Variants in TCF20 observed in about 807,000 individuals in gnomAD.
The protein encoded by TCF20 is transcription factor 20.
TCF20 carries 3 observed loss-of-function variants against 148.6 expected under a neutral mutation model. The ratio of observed to expected loss-of-function variants is 0.02; its 90% CI spans 0.01 to 0.05. The LOEUF (loss-of-function observed/expected upper bound fraction) is 0.05. Ranked by LOEUF, TCF20 falls within the 10% of genes least tolerant of loss-of-function variation. TCF20 has a pLI of 1.00. For synonymous variants in TCF20, 1,049 were observed against 909.5 expected, an observed-to-expected ratio of 1.15 and a Z score of -2.76; for missense variants, 2,350 against 2,429.3, an observed-to-expected ratio of 0.97 and a Z score of 0.69.
At chr22:42,276,104 C>T (rs1427612830) in intron 1 of TCF20, among the ~76,000 whole-genome samples, 1 of 152,168 alleles carries the variant, frequency 6.6e-6, no homozygotes, top group African/African-American at 2.4e-5. Flanking sequence ...ATTGTCTGGG[C>T]TCCACGGGAA....
At chr22:42,238,321 T>C (rs958538911) in intron 1 of TCF20, among the ~76,000 whole-genome samples, 1 of 152,234 alleles carries the variant, frequency 6.6e-6, no homozygotes, top group Non-Finnish European at 1.5e-5. Flanking sequence ...AGAGAAAGTC[T>C]TGCTCTGGGA....
At chr22:42,165,389 G>A (rs1601504867) in intron 5 of TCF20, among the ~76,000 whole-genome samples, 2 of 152,208 alleles carry the variant, frequency 1.3e-5, no homozygotes, top group South Asian at 4.1e-4. Flanking sequence ...TGGACCACAG[G>A]GCCTGTTAGG....
intron 1 of TCF20, among the ~76,000 whole-genome samples, chr22:42,343,239 C>T (rs1422794864): frequency 6.6e-6 from 1 of 152,156 alleles, no homozygotes; most frequent in East Asian, 1.9e-4. Context: ...TCCGTTTTCT[C>T]ATCTGTACAA....
chr22:42,231,306 G>A lies in TCF20; in HGVS notation c.-36-15965C>T, dbSNP rs551004320. 4.6e-5 allele frequency among the ~76,000 whole-genome samples: 7 copies of A among 152,200 alleles called. No homozygotes were observed. The South Asian group carries it at 1.2e-3, about 27-fold the overall frequency. On this transcript the variant is annotated intron_variant, in intron 1 of 5. Coordinates refer to ENST00000677622, the MANE Select transcript of TCF20 (RefSeq NM_001378418.1). ...GAGACCAGCCTGGGCAACATAGCAT[G>A]ACTCCAGCTCTATAAAAACTAAAAA...
chr22:42,171,635 T>A (rs1936137724), intron 3 of TCF20, among the ~76,000 whole-genome samples: 1 of 152,164 alleles, frequency 6.6e-6, no homozygotes, highest in Non-Finnish European at 1.5e-5. Context: ...TGTGTTAATT[T>A]AAAACCCACA....
intron 1 of TCF20, among the ~76,000 whole-genome samples, chr22:42,266,407 G>A (rs1309226829): frequency 1.3e-5 from 2 of 152,198 alleles, no homozygotes; most frequent in Non-Finnish European, 2.9e-5. Context: ...TTGGACTCAT[G>A]AGAAAAAGTC....
chr22:42,246,871 CAGG>C (rs1242185333), intron 1 of TCF20, among the ~76,000 whole-genome samples: 1 of 150,674 alleles, frequency 6.6e-6, no homozygotes, highest in Non-Finnish European at 1.5e-5. Context: ...GAGGCTGATG[CAGG>C]AGAACTGCTT....
chr22:42,232,972 G>A (rs926892179), intron 1 of TCF20, among the ~76,000 whole-genome samples: 2 of 152,186 alleles, frequency 1.3e-5, no homozygotes, highest in African/African-American at 4.8e-5. Flanking sequence ...CCAGGCTGGA[G>A]TGCACTGGTG....
chr22:42,187,004 A>G (rs946878296), intron 2 of TCF20, among the ~76,000 whole-genome samples: 1 of 152,204 alleles, frequency 6.6e-6, no homozygotes, highest in African/African-American at 2.4e-5. Context: ...GCCCTCTGTT[A>G]TGTGGAGAGC....
intron 1 of TCF20, among the ~76,000 whole-genome samples, chr22:42,219,162 T>A (rs545598974): frequency 2.4e-4 from 36 of 151,432 alleles, no homozygotes; most frequent in South Asian, 8.4e-4. Flanking sequence ...GGTGTGAGGA[T>A]CGCTTGAGGT....
intron 2 of TCF20, among the ~76,000 whole-genome samples, chr22:42,200,152 C>CCTTCATAT (rs1937902508): frequency 6.6e-6 from 1 of 152,010 alleles, no homozygotes; most frequent in South Asian, 2.1e-4. Context: ...GGCTGAACTG[C>CCTTCATAT]CTTCATATCT....
chr22:42,232,057 C>T (rs115603898), intron 1 of TCF20, among the ~76,000 whole-genome samples: 1,993 of 152,210 alleles, frequency 0.013, 39 homozygotes, highest in African/African-American at 0.045. Flanking sequence ...GCAGTAACGT[C>T]CTGGGCCTTT....
At chr22:42,171,549 G>A (rs1241203926) in intron 3 of TCF20, among the ~76,000 whole-genome samples, 1 of 152,130 alleles carries the variant, frequency 6.6e-6, no homozygotes, top group Non-Finnish European at 1.5e-5. Context: ...GGCTCCGTGG[G>A]CCCAAGAGCT....
intron 4 of TCF20, 140 bp downstream of exon 4, chr22:42,169,707 G>A: frequency 1.3e-6 from 1 of 780,690 alleles, no homozygotes; most frequent in East Asian, 2.6e-5. Context: ...ACCCTCCCAG[G>A]GCCAGGAGGG....
At chr22:42,288,715 CAAAAAAAAAAAAAAA>C (rs60058670), upstream of TCF20, among the ~76,000 whole-genome samples, 153 of 85,272 alleles carry the variant, frequency 1.8e-3, 1 homozygote, top group African/African-American at 8.0e-3. Flanking sequence ...GACCCTGTAT[CAAAAAAAAAAAAAAA>C]AAAAAAAAAA....
intron 3 of TCF20, among the ~76,000 whole-genome samples, chr22:42,171,256 A>G (rs1936117929): frequency 6.6e-6 from 1 of 152,198 alleles, no homozygotes; most frequent in Non-Finnish European, 1.5e-5. Flanking sequence ...GTTAATAAAT[A>G]TTGATAACAC....
intron 1 of TCF20, among the ~76,000 whole-genome samples, chr22:42,309,199 T>C (rs1394189624): frequency 2.6e-5 from 4 of 152,090 alleles, no homozygotes; most frequent in Non-Finnish European, 5.9e-5. Flanking sequence ...GTCACTGGGC[T>C]TGTTTTCATG....
chr22:42,242,003 C>G (rs1281799031), intron 1 of TCF20, among the ~76,000 whole-genome samples: 2 of 151,784 alleles, frequency 1.3e-5, no homozygotes, highest in Non-Finnish European at 2.9e-5. Context: ...GAGATCGAGA[C>G]CATCCTGGCT....
chr22:42,210,962 C>G lies in TCF20; in HGVS notation c.4344G>C (p.Glu1448Asp), dbSNP rs1920944898. 6.2e-7 allele frequency: 1 copy of G among 1,614,124 alleles called. No homozygotes were observed. Among genetic ancestry groups the G allele is most frequent in the Non-Finnish European group, 8.5e-7 (1 of 1,180,030 alleles). Residue 1448 changes from glutamate to aspartate, a missense_variant, in exon 2 of 6, where the codon GAG becomes GAC. Physicochemically the swap from Glu to Asp is conservative, Grantham distance 45. Transcript: ENST00000677622. The surrounding 1 kb of genome is among the most constrained non-coding windows in gnomAD (Gnocchi z 4.7). ...CGGCAGTAACTGTTTCTGCATGTGTCTCTGTCTTCACTTTGTCATCCACGC... is the reference window on the plus strand; with the variant it reads ...CGGCAGTAACTGTTTCTGCATGTGTGTCTGTCTTCACTTTGTCATCCACGC... ...RGSVDDKVKT[E>D]THAETVTAGK...
Sources: allele counts gnomAD v4.1 joint callset (sites outside exome capture counted in the v4.1 genomes callset), GRCh38; gene constraint gnomAD v4.1.1; non-coding constraint Gnocchi (gnomAD v3.1); transcripts MANE v1.5; gene names NCBI Gene and HGNC (gene_info 2026-07-23, HGNC 2026-07-21).